Variants in GALNT13 observed in about 807,000 individuals in gnomAD.
GALNT13 encodes the protein polypeptide N-acetylgalactosaminyltransferase 13.
GALNT13 carries 28 observed loss-of-function variants against 64.2 expected under a neutral mutation model. The ratio of observed to expected loss-of-function variants is 0.44; its 90% CI spans 0.32 to 0.60. The LOEUF is 0.60. Among genes scored for constraint, GALNT13 ranks in the 20% least tolerant of loss-of-function variants. The probability of loss-of-function intolerance (pLI) is 0.05; values close to 1 mark genes in which losing one functional copy is unlikely to be tolerated. For synonymous variants in GALNT13, 214 were observed against 224.6 expected, an observed-to-expected ratio of 0.95 and a Z score of 0.42; for missense variants, 577 against 669.8, an observed-to-expected ratio of 0.86 and a Z score of 1.53.
chr2:154,337,542 T>C (rs913669524), intron 9 of GALNT13, among the ~76,000 whole-genome samples: 2 of 152,088 alleles, frequency 1.3e-5, no homozygotes, highest in Non-Finnish European at 2.9e-5. Flanking sequence ...CCCATAAGCA[T>C]ACCACATAGT....
In GALNT13 at chr2:154,103,464, A is replaced by G. The variant is rs985390748; in HGVS notation, c.143-36873A>G. ...TGCTTTCTTATAGTCCATGTTGTCA[A>G]TTCTTTATCATTTCAGAATTTATAT... On this transcript the variant is annotated intron_variant, in intron 3 of 12. Transcript: ENST00000392825. 2.0e-5 allele frequency among the ~76,000 whole-genome samples: 3 copies of G among 152,036 alleles called. No individual in the cohort carries two copies. In the East Asian group the frequency reaches 5.8e-4, roughly 29 times the overall value.
the GALNT13 span, among the ~76,000 whole-genome samples, chr2:153,147,721 G>A: frequency 1.3e-5 from 2 of 151,648 alleles, no homozygotes; most frequent in Non-Finnish European, 2.9e-5. Flanking sequence ...AGGGAAATTT[G>A]GATACAATTT....
the GALNT13 span, among the ~76,000 whole-genome samples, chr2:153,765,446 T>G: frequency 6.6e-6 from 1 of 152,248 alleles, no homozygotes; most frequent in African/African-American, 2.4e-5. Flanking sequence ...CCCCTTCATT[T>G]TGGCCAATTT....
the GALNT13 span, among the ~76,000 whole-genome samples, chr2:153,132,015 A>G: frequency 6.6e-6 from 1 of 152,170 alleles, no homozygotes; most frequent in Non-Finnish European, 1.5e-5. Flanking sequence ...AGTCAATGAT[A>G]CAGAGACTTC....
chr2:153,726,952 A>C, the GALNT13 span, among the ~76,000 whole-genome samples: 12 of 120,108 alleles, frequency 1.0e-4, no homozygotes, highest in Non-Finnish European at 1.2e-4. Flanking sequence ...AAAAAAAAAA[A>C]AAAACAAAAA....
At chr2:154,072,583 C>T (rs1186842202) in intron 3 of GALNT13, among the ~76,000 whole-genome samples, 1 of 152,000 alleles carries the variant, frequency 6.6e-6, no homozygotes, top group Non-Finnish European at 1.5e-5. Flanking sequence ...CTCCCTGTTT[C>T]ATGCTGTCTC....
chr2:153,538,053 A>G, the GALNT13 span, among the ~76,000 whole-genome samples: 1 of 152,144 alleles, frequency 6.6e-6, no homozygotes, highest in Non-Finnish European at 1.5e-5. Context: ...GACTCAGAAG[A>G]AATGTGGGAA....
At chr2:154,132,065 A>C (rs1682649891) in intron 3 of GALNT13, among the ~76,000 whole-genome samples, 1 of 152,130 alleles carries the variant, frequency 6.6e-6, no homozygotes, top group Non-Finnish European at 1.5e-5. Context: ...CAGCTGATTA[A>C]ATTGTGCCCA....
the GALNT13 span, among the ~76,000 whole-genome samples, chr2:153,372,515 A>G: frequency 3.9e-5 from 6 of 152,186 alleles, no homozygotes; most frequent in Admixed American, 3.9e-4. Context: ...GCATGGTGGT[A>G]CACACCTGTA....
intron 3 of GALNT13, among the ~76,000 whole-genome samples, chr2:154,062,173 CAT>C (rs1700222493): frequency 6.6e-6 from 1 of 152,120 alleles, no homozygotes; most frequent in Non-Finnish European, 1.5e-5. Flanking sequence ...TTTTGCCAGA[CAT>C]GTGCCAGAGT....
chr2:153,494,215 A>G, the GALNT13 span, among the ~76,000 whole-genome samples: 1 of 151,984 alleles, frequency 6.6e-6, no homozygotes, highest in Non-Finnish European at 1.5e-5. Context: ...ATTTTTCCCA[A>G]TTGTGTGTAT....
At chr2:154,271,523 C>CAGAATACCACATCTGTGGAATT (rs1691353889) in intron 8 of GALNT13, among the ~76,000 whole-genome samples, 1 of 151,878 alleles carries the variant, frequency 6.6e-6, no homozygotes, top group East Asian at 1.9e-4. Flanking sequence ...ATTTGAGGAA[C>CAGAATACCACATCTGTGGAATT]AGAATACCAC....
At chr2:154,136,326 A>G (rs2105565355) in intron 3 of GALNT13, among the ~76,000 whole-genome samples, 1 of 152,304 alleles carries the variant, frequency 6.6e-6, no homozygotes, top group African/African-American at 2.4e-5. Flanking sequence ...ATCACATATT[A>G]CTATGTTCTC....
chr2:153,403,373 G>C, the GALNT13 span, among the ~76,000 whole-genome samples: 1 of 152,118 alleles, frequency 6.6e-6, no homozygotes, highest in African/African-American at 2.4e-5. Context: ...AGTTACTGCT[G>C]TCTTTTTGTT....
chr2:153,623,500 A>G, the GALNT13 span, among the ~76,000 whole-genome samples: 5 of 152,186 alleles, frequency 3.3e-5, no homozygotes, highest in Admixed American at 3.3e-4. Context: ...TTGCTTTGCT[A>G]CAAAAGAAGA....
At chr2:153,257,299 C>T in the GALNT13 span, among the ~76,000 whole-genome samples, 1 of 152,106 alleles carries the variant, frequency 6.6e-6, no homozygotes. Context: ...CAATGCCTCG[C>T]CCTGCTTCGG....
rs1685978623 is a variant in GALNT13, at chr2:153,872,009, T to C, written c.-471T>C. The C allele has an allele frequency of 6.6e-6, 1 of 152,184 alleles. No homozygotes were observed. The highest frequency in any genetic ancestry group is 1.5e-5 in the Non-Finnish European group (1 of 68,084). The allele number at this position is 152,184 out of a possible 1,614,324, so 9.4% of individuals were successfully genotyped here. A position where few individuals can be genotyped will look rare whatever the true frequency, so the allele number is the denominator to read the frequency against. On this transcript the variant is annotated 5_prime_UTR_variant, in exon 1 of 13. Transcript: ENST00000392825. The stretch of plus-strand genomic sequence containing the variant: ...GCCTCCTCGGCCTCAGCGTCCGCTC[T>C]GGCCGCGCTCGAGGAGCCCTTCAGC...
the GALNT13 span, among the ~76,000 whole-genome samples, chr2:153,499,120 A>C: frequency 6.6e-6 from 1 of 152,052 alleles, no homozygotes; most frequent in African/African-American, 2.4e-5. Flanking sequence ...CAAAGTGCTG[A>C]GAATACAGGC....
intron 11 of GALNT13, among the ~76,000 whole-genome samples, chr2:154,413,092 T>G (rs1017483736): frequency 6.6e-6 from 1 of 151,918 alleles, no homozygotes; most frequent in African/African-American, 2.4e-5. Context: ...AGCACTTCCA[T>G]GTCCCGTACA....
Sources: gnomAD v4.1 joint callset for allele counts (sites outside exome capture counted in the v4.1 genomes callset) on GRCh38, gnomAD v4.1.1 for gene constraint, MANE v1.5 for transcripts, NCBI Gene and HGNC (gene_info 2026-07-23, HGNC 2026-07-21) for gene names.